Variants in LOXHD1 observed in about 807,000 individuals in gnomAD.
The protein encoded by LOXHD1 is lipoxygenase homology domain-containing protein 1.
LOXHD1 carries 205 observed loss-of-function variants against 248.2 expected under a neutral mutation model. The observed-to-expected ratio is 0.83, with a 90% CI of 0.74 to 0.93. The LOEUF is 0.93. Ranked by LOEUF, LOXHD1 falls within the 40% of genes least tolerant of loss-of-function variation. The pLI, the probability that LOXHD1 is intolerant of heterozygous loss-of-function variation, is 0.00. For missense variants in LOXHD1, 2,930 were observed against 2,971.6 expected (o/e 0.99, Z 0.33); for synonymous variants, 1,113 against 1,162.8 (o/e 0.96, Z 0.87).
In LOXHD1 at chr18:46,560,347, T is replaced by G; in HGVS notation, c.2797A>C (p.Lys933Gln). The stretch of plus-strand genomic sequence containing the variant: ...TTCTTCTTCCTCTGCAGCTTGGCCT[T>G]CAGCCGCTCCTTCTTGAGCAGCTGC... ...LRQLLKKERL[K>Q]AKLQRKKKKR... The change falls in exon 19 of 41, where the codon AAG becomes CAG. Residue 933 changes from lysine (K) to glutamine (Q), a missense_variant. Coordinates refer to ENST00000642948, the MANE Select transcript of LOXHD1 (RefSeq NM_001384474.1). 3.9e-6 allele frequency: 6 copies of G among 1,552,404 alleles called. No homozygotes were observed. The highest frequency in any genetic ancestry group is 4.4e-6 in the Non-Finnish European group (5 of 1,147,590).
At chr18:46,569,233 T>A (rs2037702584) in intron 16 of LOXHD1, among the ~76,000 whole-genome samples, 1 of 152,222 alleles carries the variant, frequency 6.6e-6, no homozygotes, top group African/African-American at 2.4e-5. Flanking sequence ...TGTTTACATA[T>A]CTTCAGCTGC....
At chr18:46,531,918 T>C (rs778842496) in intron 28 of LOXHD1, among the ~76,000 whole-genome samples, 1 of 152,172 alleles carries the variant, frequency 6.6e-6, no homozygotes, top group African/African-American at 2.4e-5. Context: ...GTCACACTAT[T>C]GAGGCAACAC....
chr18:46,486,255 G>T (rs1014320850), intron 38 of LOXHD1, among the ~76,000 whole-genome samples: 9 of 152,124 alleles, frequency 5.9e-5, no homozygotes, highest in Non-Finnish European at 1.2e-4. Context: ...GACGGTCTGG[G>T]ATTCTGGATC....
At chr18:46,563,603 TTG>T (rs2037574818) in intron 17 of LOXHD1, among the ~76,000 whole-genome samples, 1 of 152,168 alleles carries the variant, frequency 6.6e-6, no homozygotes, top group Non-Finnish European at 1.5e-5. Flanking sequence ...GTCATTGCCA[TTG>T]TAACCGTATT....
chr18:46,524,854 C>T lies in LOXHD1; in HGVS notation c.4594G>A (p.Asp1532Asn), dbSNP rs1374154344. The T allele has an allele frequency of 1.9e-6, 3 of 1,551,780 alleles. No homozygotes were observed. The highest frequency in any genetic ancestry group is 1.7e-4 in the Middle Eastern group (1 of 5,992). The change falls in exon 30 of 41, where the codon GAC becomes AAC. Residue 1532 changes from aspartate to asparagine, a missense_variant. Transcript: ENST00000642948. ...GVIYKIKLRH[D>N]NSKWCADWYV... is the part of the protein sequence containing the mutation. ...CAGTCTGCGCACCACTTGGAGTTGT[C>T]ATGGCGGAGCTTGATCTTGTAGATG... is the stretch of plus-strand genomic sequence containing the variant.
intron 34 of LOXHD1, among the ~76,000 whole-genome samples, chr18:46,511,719 T>C (rs998189680): frequency 1.3e-5 from 2 of 152,138 alleles, no homozygotes; most frequent in Non-Finnish European, 2.9e-5. Context: ...CAGATGGGGA[T>C]GGATGGTGTG....
rs2032115935 is a variant in LOXHD1 at position 46,477,596 on chromosome 18, A to T, written c.6698T>A (p.Leu2233Gln). 2 of 1,551,630 alleles carry T rather than the reference A, an allele frequency of 1.3e-6. No individual in the cohort carries two copies. Among genetic ancestry groups the T allele is most frequent in the Middle Eastern group, 1.7e-4 (1 of 6,014 alleles). The change falls in exon 41 of 41, where the codon CTG (leucine) becomes CAG (glutamine). Residue 2233 changes from leucine (L) to glutamine (Q), a missense_variant. Leu to Gln is a moderately radical substitution (Grantham distance 113). Coordinates refer to ENST00000642948, the MANE Select transcript of LOXHD1 (RefSeq NM_001384474.1). ...GTTGGTGACCTCCACCTTCTCCACC[A>T]GCCAGCCTGAGCAGTAGCCACTGCT... ...HDSSGYCSGW[L>Q]VEKVEVTNTS...
At chr18:46,608,534 G>T (rs574558624) in intron 6 of LOXHD1, among the ~76,000 whole-genome samples, 1 of 152,238 alleles carries the variant, frequency 6.6e-6, no homozygotes. Flanking sequence ...GGACTTCAAG[G>T]TACCTGTTCT....
intron 37 of LOXHD1, among the ~76,000 whole-genome samples, chr18:46,489,718 C>T (rs2033329582): frequency 6.6e-6 from 1 of 152,232 alleles, no homozygotes; most frequent in Non-Finnish European, 1.5e-5. Context: ...TGGCCACACA[C>T]TGTCCACCTT....
intron 12 of LOXHD1, among the ~76,000 whole-genome samples, chr18:46,590,311 C>T (rs553506934): frequency 5.5e-4 from 84 of 152,204 alleles, no homozygotes; most frequent in South Asian, 2.7e-3. Context: ...CTTAGCAGAC[C>T]GGAAAGGATT....
chr18:46,601,538 C>A (rs1490820923), intron 7 of LOXHD1, 71 bp from the exon 8 acceptor site: 13 of 1,548,476 alleles, frequency 8.4e-6, no homozygotes, highest in Non-Finnish European at 1.1e-5. Flanking sequence ...CCCTCCTCCC[C>A]TTCCTGGTTA....
intron 36 of LOXHD1, among the ~76,000 whole-genome samples, chr18:46,506,768 C>G (rs2071445794): frequency 6.6e-6 from 1 of 152,176 alleles, no homozygotes; most frequent in African/African-American, 2.4e-5. Context: ...TGGCAAGAGG[C>G]TTCTCTGTTG....
intron 10 of LOXHD1, among the ~76,000 whole-genome samples, chr18:46,592,950 G>T (rs368122256): frequency 6.6e-6 from 1 of 152,122 alleles, no homozygotes; most frequent in South Asian, 2.1e-4. Context: ...GACTCTACTG[G>T]GCAGTGAAAC....
chr18:46,592,205 C>T (rs893253466), intron 11 of LOXHD1, 137 bp from the exon 12 acceptor site: 70 of 1,226,536 alleles, frequency 5.7e-5, no homozygotes, highest in Admixed American at 2.7e-4. Context: ...GGCAGAGGGC[C>T]GGATTAGTAT....
chr18:46,551,106 CTTT>C (rs1239620935), intron 21 of LOXHD1, among the ~76,000 whole-genome samples: 6 of 141,004 alleles, frequency 4.3e-5, no homozygotes, highest in Admixed American at 7.0e-5. Context: ...CTTTTCTTTT[CTTT>C]TTTTTTTTTT....
intron 5 of LOXHD1, among the ~76,000 whole-genome samples, chr18:46,614,423 C>T (rs1187177462): frequency 4.0e-5 from 6 of 151,676 alleles, no homozygotes; most frequent in African/African-American, 1.2e-4. Flanking sequence ...TTTTTACGGA[C>T]GTGGATGAAG....
rs550134149 is a variant in LOXHD1, at chr18:46,550,750, A to G, written c.3351-3692T>C. On this transcript the variant is annotated intron_variant, in intron 21 of 40. Transcript: ENST00000642948. ...ACCCTACATCAGACATATAAGTGAG[A>G]AATAAATGTTTGTTGTGTTAGGCCA... Among the ~76,000 whole-genome samples the G allele has an allele frequency of 1.1e-4, 17 of 152,322 alleles. No individual in the cohort carries two copies. In the South Asian group the frequency reaches 3.1e-3, roughly 28 times the overall value.
chr18:46,494,687 T>A (rs2033714500), intron 37 of LOXHD1, among the ~76,000 whole-genome samples: 1 of 152,170 alleles, frequency 6.6e-6, no homozygotes, highest in Non-Finnish European at 1.5e-5. Context: ...CATGCCTCAG[T>A]ATCCTCACTT....
chr18:46,527,579 C>T (rs1368593349), intron 29 of LOXHD1, among the ~76,000 whole-genome samples: 1 of 152,230 alleles, frequency 6.6e-6, no homozygotes, highest in East Asian at 1.9e-4. Flanking sequence ...GATCTGAGCT[C>T]AGGTGACCTG....
Sources: allele counts gnomAD v4.1 joint callset (sites outside exome capture counted in the v4.1 genomes callset), GRCh38; gene constraint gnomAD v4.1.1; transcripts MANE v1.5; gene names NCBI Gene and HGNC (gene_info 2026-07-23, HGNC 2026-07-21).